The following LRRK2 variants were observed in gnomAD, a reference collection of about 807,000 sequenced individuals.
LRRK2 encodes the protein leucine-rich repeat serine/threonine-protein kinase 2.
LRRK2 carries 203 observed loss-of-function variants against 302.6 expected under a neutral mutation model. The ratio of observed to expected loss-of-function variants is 0.67; its 90% confidence interval spans 0.60 to 0.75. The LOEUF (loss-of-function observed/expected upper bound fraction) is 0.75, where lower values mean the gene tolerates loss of function less well. LRRK2 is among the 30% of genes least tolerant of loss of function. The pLI is 0.00. For synonymous variants in LRRK2, 1,066 were observed against 1,031.9 expected, an observed-to-expected ratio of 1.03 and a Z score of -0.63; for missense variants, 2,830 against 2,951.0, an observed-to-expected ratio of 0.96 and a Z score of 0.95.
rs780895279 is a variant in LRRK2, at chr12:40,315,245, A to C, written c.4772A>C (p.Gln1591Pro). The C allele has an allele frequency of 1.2e-6, 2 of 1,612,612 alleles. No homozygotes were observed. The highest frequency in any genetic ancestry group is 2.7e-5 in the African/African-American group (2 of 74,822). ...VLLHFQDPALQLSDLYFVEPK... is the reference protein window; with the variant it reads ...VLLHFQDPALPLSDLYFVEPK... ...CTTCATTTTCAAGACCCAGCACTGC[A>C]GTTAAGTGACTTGTACTTTGTGGAA... is the stretch of plus-strand genomic sequence containing the variant. Residue 1591 changes from glutamine (Q) to proline (P), a missense_variant, in exon 33 of 51, where the codon CAG (glutamine) becomes CCG (proline). Transcript: ENST00000298910.
In LRRK2 at chr12:40,293,614, C is replaced by T; in HGVS notation, c.2759C>T (p.Ala920Val). The T allele has an allele frequency of 2.5e-6, 4 of 1,611,412 alleles. No homozygotes were observed. Among genetic ancestry groups the T allele is most frequent in the Non-Finnish European group, 3.4e-6 (4 of 1,178,380 alleles). Residue 920 changes from alanine (A) to valine (V), a missense_variant, in exon 21 of 51, where the codon GCC (alanine) becomes GTC (valine). This residue lies in a region of LRRK2 where 2,121 missense variants were observed against 2,148.0 expected (regional missense o/e 0.99). Transcript: ENST00000298910. ...AGTGTAGGAGAATTTTACCGAGATG[C>T]CGTATTACAGCGTTGCTCACCAAAT... ...SISVGEFYRD[A>V]VLQRCSPNLQ...
intron 33 of LRRK2, chr12:40,316,175 T>G: frequency 3.7e-6 from 1 of 267,230 alleles, no homozygotes. Context: ...TTCCTAAAAT[T>G]ATTATATATT....
rs369824764 is a variant in LRRK2, at chr12:40,286,369, A to G, written c.2501-982A>G. ...AAAGGAACCATTTGGGTATATGGGT[A>G]TAGTGTAAGCCATAGTATCAGTTGC... On this transcript the variant is annotated intron_variant, in intron 19 of 50. Coordinates refer to ENST00000298910, the MANE Select transcript of LRRK2 (RefSeq NM_198578.4). 3.9e-5 allele frequency: 6 copies of G among 152,144 alleles called. No homozygotes were observed. In the East Asian group the frequency reaches 5.8e-4, roughly 15 times the overall value. The allele number at this position is 152,144 out of a possible 1,614,324, so 9.4% of individuals were successfully genotyped here. A position where few individuals can be genotyped will look rare whatever the true frequency, so the allele number is the denominator to read the frequency against.
chr12:40,345,720 C>CCCTACTTGT (rs1228406224), intron 41 of LRRK2, among the ~76,000 whole-genome samples: 1 of 151,016 alleles, frequency 6.6e-6, no homozygotes, highest in Non-Finnish European at 1.5e-5. Flanking sequence ...TTACTTTTTG[C>CCCTACTTGT]CCTACTTGTT....
chr12:40,251,453 C>A lies in LRRK2; in HGVS notation c.1102-12C>A. On this transcript the variant is annotated splice_polypyrimidine_tract_variant and intron_variant, in intron 9 of 50. Transcript: ENST00000298910. Reference sequence around the variant, plus strand: ...ATATTTTGACAGATTTCTTTTTTCTCCCCTAATCCAGGAGGCCGCATGCTG... The same window carrying A: ...ATATTTTGACAGATTTCTTTTTTCTACCCTAATCCAGGAGGCCGCATGCTG... 6.2e-7 allele frequency: 1 copy of A among 1,611,344 alleles called. No individual in the cohort carries two copies.
At position 40,308,688 on chromosome 12, in the gene LRRK2, A is replaced by T. The variant is rs768214571; in HGVS notation, c.4181A>T (p.Asp1394Val). 1.2e-6 allele frequency: 2 copies of T among 1,613,412 alleles called. No individual in the cohort carries two copies. The highest frequency in any genetic ancestry group is 4.5e-5 in the East Asian group (2 of 44,848). ...AGAGATCTCGTCCTAAATGTGTGGGATTTTGCAGGTATTTCTTTCTATAGA... is the reference window on the plus strand; with the variant it reads ...AGAGATCTCGTCCTAAATGTGTGGGTTTTTGCAGGTATTTCTTTCTATAGA... ...RKRDLVLNVW[D>V]FAGREEFYST... The change falls in exon 29 of 51, where the codon GAT (aspartate) becomes GTT (valine). Residue 1394 changes from aspartate (D) to valine (V), a missense_variant. By Grantham distance (152) the Asp-to-Val change is radical (BLOSUM62 -3). This residue lies in a region of LRRK2 where 2,121 missense variants were observed against 2,148.0 expected (regional missense o/e 0.99). Coordinates refer to ENST00000298910, the MANE Select transcript of LRRK2 (RefSeq NM_198578.4).
intron 44 of LRRK2, among the ~76,000 whole-genome samples, chr12:40,352,837 A>G (rs1406723292): frequency 6.6e-6 from 1 of 152,100 alleles, no homozygotes; most frequent in Admixed American, 6.6e-5. Flanking sequence ...ACAGAACAAA[A>G]TGGAGTCTCC....
intron 38 of LRRK2, among the ~76,000 whole-genome samples, chr12:40,327,547 A>G (rs1385002573): frequency 6.6e-6 from 1 of 152,218 alleles, no homozygotes; most frequent in Non-Finnish European, 1.5e-5. Flanking sequence ...GAACTTTAAA[A>G]GGATTTAGGG....
In LRRK2 at chr12:40,273,850, T is replaced by C. The variant is rs563962727; in HGVS notation, c.1657-733T>C. On this transcript the variant is annotated intron_variant, in intron 14 of 50. Coordinates refer to ENST00000298910, the MANE Select transcript of LRRK2 (RefSeq NM_198578.4). ...GAGGTATGCTGCGTTTTCTTCTTGG[T>C]TGATGAGTAGGATGGCCTGGACAAA... Among the ~76,000 whole-genome samples the C allele has an allele frequency of 3.3e-5, 5 of 152,182 alleles. No individual in the cohort carries two copies. In the South Asian group the frequency reaches 8.3e-4, roughly 25 times the overall value.
chr12:40,236,506 C>G (rs889747802), intron 4 of LRRK2, among the ~76,000 whole-genome samples: 21 of 152,092 alleles, frequency 1.4e-4, no homozygotes, highest in Non-Finnish European at 2.5e-4. Flanking sequence ...TGGACACTGG[C>G]TATTATATAA....
chr12:40,367,387 T>G (rs947330609), intron 50 of LRRK2: 1 of 401,598 alleles, frequency 2.5e-6, no homozygotes, highest in African/African-American at 2.1e-5. Flanking sequence ...TTGAAAAAGC[T>G]TTTATTTCTT....
chr12:40,301,376 A>G (rs879799651), intron 25 of LRRK2, among the ~76,000 whole-genome samples: 25 of 152,090 alleles, frequency 1.6e-4, no homozygotes, highest in Admixed American at 9.8e-4. Context: ...GTGAGTGGAG[A>G]TCAGGCCACA....
intron 41 of LRRK2, among the ~76,000 whole-genome samples, chr12:40,345,405 T>C (rs1946161219): frequency 1.3e-5 from 2 of 151,718 alleles, no homozygotes; most frequent in East Asian, 3.9e-4. Flanking sequence ...GGTGGATCAC[T>C]TGAGGTCAGG....
At chr12:40,276,057 C>A (rs1272161508) in intron 16 of LRRK2, among the ~76,000 whole-genome samples, 1 of 152,110 alleles carries the variant, frequency 6.6e-6, no homozygotes, top group African/African-American at 2.4e-5. Context: ...ATACAAAATT[C>A]TTAGATTAAT....
intron 38 of LRRK2, among the ~76,000 whole-genome samples, chr12:40,326,371 C>A (rs1322104996): frequency 6.7e-6 from 1 of 150,084 alleles, no homozygotes; most frequent in Non-Finnish European, 1.5e-5. Context: ...GAGGCTGAGT[C>A]AGGAAAATGG....
At chr12:40,246,272 A>G (rs1421932225) in intron 7 of LRRK2, among the ~76,000 whole-genome samples, 2 of 150,930 alleles carry the variant, frequency 1.3e-5, no homozygotes, top group Admixed American at 1.3e-4. Flanking sequence ...TTTCCTTTTC[A>G]TTATGTTAAT....
chr12:40,340,274 T>G lies in LRRK2; in HGVS notation c.5949-20T>G, dbSNP rs761091728. The G allele has an allele frequency of 6.2e-7, 1 of 1,612,706 alleles. No homozygotes were observed. Among genetic ancestry groups the G allele is most frequent in the Non-Finnish European group, 8.5e-7 (1 of 1,179,014 alleles). ...AATGTAATCACATTTGAATAAGATT[T>G]CCTGTGCATTTTCTGGCAGATACCT... On this transcript the variant is annotated intron_variant, in intron 40 of 50. Coordinates refer to ENST00000298910, the MANE Select transcript of LRRK2 (RefSeq NM_198578.4).
chr12:40,284,463 C>T (rs1943838089), intron 19 of LRRK2, among the ~76,000 whole-genome samples: 1 of 137,144 alleles, frequency 7.3e-6, no homozygotes, highest in South Asian at 2.5e-4. Flanking sequence ...ATAAAAATAA[C>T]TTATTTTATC....
intron 11 of LRRK2, among the ~76,000 whole-genome samples, chr12:40,255,048 C>A (rs1379995755): frequency 1.3e-5 from 2 of 152,072 alleles, no homozygotes. Flanking sequence ...AGGTTGCATA[C>A]ATTTTGTGTG....
Sources: gnomAD v4.1 joint callset for allele counts (sites outside exome capture counted in the v4.1 genomes callset) on GRCh38, gnomAD v4.1.1 for gene constraint, gnomAD v4.1.1 regional missense constraint, MANE v1.5 for transcripts, NCBI Gene and HGNC (gene_info 2026-07-23, HGNC 2026-07-21) for gene names.